LRRC61: variants seen among roughly 807,000 people sequenced by gnomAD.
LRRC61 encodes the protein leucine-rich repeat-containing protein 61.
A neutral mutation model predicts 15.1 loss-of-function variants in LRRC61; 9 were observed. The observed-to-expected ratio is 0.60, with a 90% CI of 0.36 to 1.04. The LOEUF (loss-of-function observed/expected upper bound fraction) is 1.04. Ranked by LOEUF, LRRC61 falls within the 50% of genes least tolerant of loss-of-function variation. LRRC61 has a pLI of 0.01. For synonymous variants in LRRC61, 173 were observed against 158.6 expected (o/e 1.09, Z -0.68); for missense variants, 344 against 335.6 (o/e 1.03, Z -0.20).
chr7:150,323,337 C>G (rs1042722333), upstream of LRRC61: 2 of 274,638 alleles, frequency 7.3e-6, no homozygotes, highest in African/African-American at 2.4e-5. Context: ...TTGGCCAGGC[C>G]CCCTGGGCGC....
the LRRC61 span, among the ~76,000 whole-genome samples, chr7:150,317,743 ATCTATT>A: frequency 1.3e-5 from 2 of 152,162 alleles, no homozygotes. Context: ...GAAAATAGGC[ATCTATT>A]TCTATTTCAC....
At chr7:150,327,819 CAAAA>C (rs58721598) in intron 2 of LRRC61, among the ~76,000 whole-genome samples, 1 of 136,910 alleles carries the variant, frequency 7.3e-6, no homozygotes, top group Admixed American at 7.4e-5. Context: ...GACCTTGTCT[CAAAA>C]AAAAAAAAAA....
chr7:150,325,552 C>G (rs1381795315), intron 1 of LRRC61, among the ~76,000 whole-genome samples: 1 of 152,218 alleles, frequency 6.6e-6, no homozygotes, highest in Non-Finnish European at 1.5e-5. Context: ...ACTGCAATCT[C>G]CACTTCCCTG....
the LRRC61 span, among the ~76,000 whole-genome samples, chr7:150,316,044 G>A: frequency 2.0e-5 from 3 of 152,172 alleles, no homozygotes; most frequent in East Asian, 1.9e-4. Flanking sequence ...CTAAAAATAC[G>A]AAATTAGCTG....
chr7:150,334,081 C>T lies in LRRC61; in HGVS notation c.-144-2637C>T, dbSNP rs534504687. 9.2e-5 allele frequency: 91 copies of T among 985,376 alleles called. 1 individual carries two copies. In the African/African-American group the frequency reaches 1.4e-3, roughly 16 times the overall value. The allele number at this position is 985,376 out of a possible 1,614,324, so 61.0% of individuals were successfully genotyped here. On this transcript the variant is annotated intron_variant, in intron 2 of 2. Coordinates refer to ENST00000359623, the MANE Select transcript of LRRC61 (RefSeq NM_001142928.2). Reference sequence around the variant, plus strand: ...CTGCTCCGTTTCCTCTTCTGTAAACCATGTTCCTGGTGTGAGCATGCACAG... The same window carrying T: ...CTGCTCCGTTTCCTCTTCTGTAAACTATGTTCCTGGTGTGAGCATGCACAG...
At position 150,330,443 on chromosome 7, in the gene LRRC61, G is replaced by T; in HGVS notation, c.-145+4433G>T. 1 of 776,546 alleles carries T rather than the reference G, an allele frequency of 1.3e-6. No homozygotes were observed. The allele number at this position is 776,546 out of a possible 1,614,324, so 48.1% of individuals were successfully genotyped here. A position where few individuals can be genotyped will look rare whatever the true frequency, so the allele number is the denominator to read the frequency against. Reference sequence around the variant, plus strand: ...AGGCGAGTGCGGCACAGGCCTCTCTGAGCCAGGTGCTGCCCCAGCTGCGCT... The same window carrying T: ...AGGCGAGTGCGGCACAGGCCTCTCTTAGCCAGGTGCTGCCCCAGCTGCGCT... On this transcript the variant is annotated intron_variant, in intron 2 of 2. Transcript: ENST00000359623. The surrounding 1 kb of genome is among the most constrained non-coding windows in gnomAD (Gnocchi z 4.6).
At chr7:150,314,979 TA>T in the LRRC61 span, among the ~76,000 whole-genome samples, 1 of 147,542 alleles carries the variant, frequency 6.8e-6, no homozygotes, top group Non-Finnish European at 1.5e-5. Context: ...TAAATAGTAT[TA>T]TTTTTAATAA....
rs992795211 is a variant in LRRC61, at chr7:150,338,038, A to C, written c.*397A>C. The C allele has an allele frequency of 4.6e-5, 19 of 416,406 alleles. No individual in the cohort carries two copies. The highest frequency in any genetic ancestry group is 8.3e-5 in the African/African-American group (4 of 48,188). The allele number at this position is 416,406 out of a possible 1,614,324, so 25.8% of individuals were successfully genotyped here. A position where few individuals can be genotyped will look rare whatever the true frequency, so the allele number is the denominator to read the frequency against. On this transcript the variant is annotated 3_prime_UTR_variant, in exon 3 of 3. Transcript: ENST00000359623. ...GGCCCAGAGCACTCCTGGAAGTGGG[A>C]CTCCCCTGCCTTGCAAATGTGCCTC...
chr7:150,328,239 G>C (rs140224197), intron 2 of LRRC61, among the ~76,000 whole-genome samples: 1 of 152,284 alleles, frequency 6.6e-6, no homozygotes, highest in Non-Finnish European at 1.5e-5. Flanking sequence ...AGAGGAAGGG[G>C]AACACAAAGA....
At chr7:150,328,118 A>G (rs1167142718) in intron 2 of LRRC61, among the ~76,000 whole-genome samples, 1 of 152,210 alleles carries the variant, frequency 6.6e-6, no homozygotes, top group Admixed American at 6.5e-5. Context: ...CTGAGAATTC[A>G]ATATATGCGT....
intron 2 of LRRC61, chr7:150,331,331 G>A (rs1189443841): frequency 5.7e-6 from 3 of 528,334 alleles, no homozygotes; most frequent in Non-Finnish European, 6.8e-6. Flanking sequence ...GCAGGTGCCG[G>A]TGCTCACCCT....
chr7:150,317,891 G>T, the LRRC61 span, among the ~76,000 whole-genome samples: 5 of 152,018 alleles, frequency 3.3e-5, no homozygotes, highest in Admixed American at 3.3e-4. Context: ...ATGGGGTTGG[G>T]TTTATCGGCT....
At chr7:150,317,029 T>A in the LRRC61 span, among the ~76,000 whole-genome samples, 1 of 152,054 alleles carries the variant, frequency 6.6e-6, no homozygotes, top group Admixed American at 6.6e-5. Flanking sequence ...TAATCTTTTT[T>A]ATTGTTAGTA....
In LRRC61 at chr7:150,330,803, CA is replaced by C. The variant is rs749956364; in HGVS notation, c.-145+4794del. ...GCCCCAGGGGTCTGTGCGTGGACCCCACCAGGGTAGCCAAGAGCTCCGGGGT... is the reference window on the plus strand; with the variant it reads ...GCCCCAGGGGTCTGTGCGTGGACCCCCCAGGGTAGCCAAGAGCTCCGGGGT... On this transcript the variant is annotated intron_variant, in intron 2 of 2. Transcript: ENST00000359623. This position sits in a 1 kb window ranked among gnomAD's most constrained non-coding sequence, Gnocchi z 4.6. 17 of 1,612,068 alleles carry C rather than the reference CA, an allele frequency of 1.1e-5. No homozygotes were observed. The highest frequency in any genetic ancestry group is 1.4e-5 in the Non-Finnish European group (17 of 1,178,922).
Position 150,323,499 on chromosome 7 carries a change from G to A in LRRC61, c.-376G>A, listed in dbSNP as rs1351542768. 1 of 431,936 alleles carries A rather than the reference G, an allele frequency of 2.3e-6. No homozygotes were observed. Among genetic ancestry groups the A allele is most frequent in the Admixed American group, 2.5e-5 (1 of 39,394 alleles). 26.8% of individuals were successfully genotyped at this position (431,936 alleles called of 1,614,324 possible). Reference sequence around the variant, plus strand: ...GAGGAGGCGCCGGCTCTGCGGTGCGGAGTTGCGCCGGACTTCCCAGCTTGG... The same window carrying A: ...GAGGAGGCGCCGGCTCTGCGGTGCGAAGTTGCGCCGGACTTCCCAGCTTGG... On this transcript the variant is annotated 5_prime_UTR_variant, in exon 1 of 3. Coordinates refer to ENST00000359623, the MANE Select transcript of LRRC61 (RefSeq NM_001142928.2).
Position 150,337,381 on chromosome 7 carries a change from C to T in LRRC61, c.520C>T (p.Gln174Ter). Residue 174 changes from glutamine (Q) to a stop codon, truncating the protein, a stop_gained, in exon 3 of 3, where the codon CAG (glutamine) becomes TAG (stop). Coordinates refer to ENST00000359623, the MANE Select transcript of LRRC61 (RefSeq NM_001142928.2). LOFTEE classifies it high-confidence loss of function. ...RVIGRGSEFY[Q>*]LCRDLDSSLR... ...GATTGGGCGTGGTAGTGAGTTCTAC[C>T]AGCTGTGCCGAGACCTGGACAGCTC... 6.2e-7 allele frequency: 1 copy of T among 1,605,724 alleles called. No homozygotes were observed. The highest frequency in any genetic ancestry group is 8.5e-7 in the Non-Finnish European group (1 of 1,179,952).
chr7:150,336,021 A>G (rs1253608792), intron 2 of LRRC61, among the ~76,000 whole-genome samples: 3 of 152,176 alleles, frequency 2.0e-5, no homozygotes, highest in East Asian at 3.8e-4. Flanking sequence ...AGAGCAAAAG[A>G]GCTAGCTTTG....
chr7:150,327,313 C>T (rs1797983563), intron 2 of LRRC61, among the ~76,000 whole-genome samples: 1 of 152,164 alleles, frequency 6.6e-6, no homozygotes, highest in Admixed American at 6.5e-5. Flanking sequence ...CCAATAGATG[C>T]ACCCCAGAGA....
the LRRC61 span, among the ~76,000 whole-genome samples, chr7:150,318,228 G>A: frequency 6.6e-6 from 1 of 152,280 alleles, no homozygotes; most frequent in East Asian, 1.9e-4. Context: ...TGTGCTCAGA[G>A]ATCATTATGG....
Sources: allele counts gnomAD v4.1 joint callset (sites outside exome capture counted in the v4.1 genomes callset), GRCh38; gene constraint gnomAD v4.1.1; non-coding constraint Gnocchi (gnomAD v3.1); transcripts MANE v1.5; gene names NCBI Gene and HGNC (gene_info 2026-07-23, HGNC 2026-07-21).